CDC25B: variants seen among roughly 807,000 people sequenced by gnomAD.
CDC25B encodes the protein cell division cycle 25B.
Under a neutral mutation model 69.8 loss-of-function variants are expected in CDC25B, and 33 were observed. The ratio of observed to expected loss-of-function variants is 0.47; its 90% CI spans 0.36 to 0.63. CDC25B has a LOEUF of 0.63. CDC25B is among the 30% of genes least tolerant of loss of function. CDC25B has a pLI of 0.00. For synonymous variants in CDC25B, 341 were observed against 314.6 expected (o/e 1.08, Z -0.89); for missense variants, 727 against 809.1 (o/e 0.90, Z 1.23).
chr20:3,803,511 A>G lies in CDC25B; in HGVS notation c.1464A>G (p.Glu488=). Residue 488 remains glutamate (E), a synonymous_variant, in exon 14 of 16, where the codon GAA becomes GAG. Transcript: ENST00000245960. This position sits in a 1 kb window ranked among gnomAD's most constrained non-coding sequence, Gnocchi z 4.9. ...GAGTCATCCTCATTTTCCACTGTGA[A>G]TTCTCATCTGAGCGTGGGCCCCGCA... ...DKRVILIFHC[E]FSSERGPRMC... 2 of 1,613,828 alleles carry G rather than the reference A, an allele frequency of 1.2e-6. No homozygotes were observed. Among genetic ancestry groups the G allele is most frequent in the Non-Finnish European group, 1.7e-6 (2 of 1,179,972 alleles).
intron 2 of CDC25B, 124 bp downstream of exon 2, chr20:3,797,873 G>T (rs564038692): frequency 2.8e-5 from 33 of 1,191,424 alleles, no homozygotes; most frequent in South Asian, 1.5e-4. Flanking sequence ...GGGCCCAGGA[G>T]CCTCTCCCCC....
In CDC25B at chr20:3,803,332, G is replaced by T; in HGVS notation, c.1357-72G>T. 2 of 1,607,396 alleles carry T rather than the reference G, an allele frequency of 1.2e-6. No homozygotes were observed. On this transcript the variant is annotated intron_variant, in intron 13 of 15. Coordinates refer to ENST00000245960, the MANE Select transcript of CDC25B (RefSeq NM_021873.4). This position sits in a 1 kb window ranked among gnomAD's most constrained non-coding sequence, Gnocchi z 4.9. ...TGGGGAGGGTTCCTACTAAGAGAAG[G>T]ACAGCGACTGCACGGGGAGGGCCCT...
At chr20:3,791,256 C>T (rs1337493968) in intron 1 of CDC25B, among the ~76,000 whole-genome samples, 1 of 152,126 alleles carries the variant, frequency 6.6e-6, no homozygotes, top group African/African-American at 2.4e-5. Flanking sequence ...GGTCAGGGGC[C>T]AACTTTGGTC....
Position 3,803,071 on chromosome 20 carries a change from C to G in CDC25B, c.1258-37C>G. 6.2e-7 allele frequency: 1 copy of G among 1,600,866 alleles called. No homozygotes were observed. Among genetic ancestry groups the G allele is most frequent in the Non-Finnish European group, 8.6e-7 (1 of 1,168,056 alleles). ...CTAGGGCCACCTGCCAGCTGCCAGC[C>G]TGACCTGCCGGAACCAACCCCCATG... On this transcript the variant is annotated intron_variant, in intron 12 of 15. Transcript: ENST00000245960. The surrounding 1 kb of genome is among the most constrained non-coding windows in gnomAD (Gnocchi z 4.9).
chr20:3,799,525 T>TGTGTGC (rs1211874383), intron 3 of CDC25B, among the ~76,000 whole-genome samples: 779 of 68,710 alleles, frequency 0.011, 9 homozygotes, highest in South Asian at 0.11. Context: ...TGTGTGTGTG[T>TGTGTGC]GCGCGCGCGC....
intron 1 of CDC25B, among the ~76,000 whole-genome samples, chr20:3,788,762 T>C (rs1243393343): frequency 6.6e-6 from 1 of 151,948 alleles, no homozygotes; most frequent in Non-Finnish European, 1.5e-5. Context: ...CCTTCCTTCC[T>C]TCCCTTCTTT....
intron 1 of CDC25B, among the ~76,000 whole-genome samples, chr20:3,791,161 T>C (rs2088909549): frequency 6.6e-6 from 1 of 152,206 alleles, no homozygotes; most frequent in African/African-American, 2.4e-5. Context: ...TCACCTCCCC[T>C]ATTGAAGACA....
chr20:3,804,582 A>G lies in CDC25B; in HGVS notation c.1504A>G (p.Arg502Gly). The G allele has an allele frequency of 6.2e-7, 1 of 1,613,106 alleles. No homozygotes were observed. The highest frequency in any genetic ancestry group is 8.5e-7 in the Non-Finnish European group (1 of 1,179,112). ...ERGPRMCRFI[R>G]ERDRAVNDYP... ...ATGACGCCCCAGGTGCCGTTTCATCAGGGAACGAGACCGTGCTGTCAACGA... is the reference window on the plus strand; with the variant it reads ...ATGACGCCCCAGGTGCCGTTTCATCGGGGAACGAGACCGTGCTGTCAACGA... The change falls in exon 15 of 16, where the codon AGG becomes GGG. Residue 502 changes from arginine (R) to glycine (G), a missense_variant. Physicochemically the swap from Arg to Gly is moderately radical, Grantham distance 125 (BLOSUM62 -2). This residue lies in a region of CDC25B where 359 missense variants were observed against 463.4 expected (regional missense o/e 0.77). Transcript: ENST00000245960.
At chr20:3,801,519 G>T in intron 8 of CDC25B, 131 bp downstream of exon 8, 1 of 1,246,310 alleles carries the variant, frequency 8.0e-7, no homozygotes, top group Admixed American at 2.3e-5. Context: ...AGGTAACTGA[G>T]TCACAGCCTA....
rs1284653926 is a variant in CDC25B, at chr20:3,801,394, C to A, written c.840+6C>A. The stretch of plus-strand genomic sequence containing the variant: ...TCCTAGAGAGTGACTTAAAGGTAAA[C>A]AGCCTTGTCCCACCAGGCCCCTACC... On this transcript the variant is annotated splice_donor_region_variant and intron_variant, in intron 8 of 15. Transcript: ENST00000245960. 1.9e-6 allele frequency: 3 copies of A among 1,602,208 alleles called. No homozygotes were observed. Among genetic ancestry groups the A allele is most frequent in the Non-Finnish European group, 2.6e-6 (3 of 1,173,260 alleles).
Position 3,797,630 on chromosome 20 carries a change from CAA to C in CDC25B, c.211_212del (p.Lys71GlufsTer31). 5.6e-6 allele frequency: 9 copies of C among 1,614,104 alleles called. No homozygotes were observed. The highest frequency in any genetic ancestry group is 1.3e-5 in the African/African-American group (1 of 75,044). The stretch of plus-strand genomic sequence containing the variant: ...CCCTGTTCCCTTCCCAGCGAAACCC[CAA>C]AGAGTCAGGTAGGGACCCTGCTCTT... On this transcript the variant is annotated frameshift_variant, in exon 2 of 16. Coordinates refer to ENST00000245960, the MANE Select transcript of CDC25B (RefSeq NM_021873.4). LOFTEE classifies it high-confidence loss of function.
chr20:3,803,279 A>G lies in CDC25B; in HGVS notation c.1356+73A>G, dbSNP rs1218472747. On this transcript the variant is annotated intron_variant, in intron 13 of 15. Coordinates refer to ENST00000245960, the MANE Select transcript of CDC25B (RefSeq NM_021873.4). This position sits in a 1 kb window ranked among gnomAD's most constrained non-coding sequence, Gnocchi z 4.9. ...GGTCCTTGCTTTGCCAAGAGGGTGA[A>G]TGGGTGGAGGACGGGTGCCCCCTCT... 6.4e-6 allele frequency: 10 copies of G among 1,570,132 alleles called. No individual in the cohort carries two copies. The highest frequency in any genetic ancestry group is 4.5e-5 in the South Asian group (4 of 88,886).
At position 3,789,744 on chromosome 20, in the gene CDC25B, C is replaced by T. The variant is rs147751239; in HGVS notation, c.8+2605C>T. On this transcript the variant is annotated intron_variant, in intron 1 of 15. Coordinates refer to the CDC25B transcript ENST00000344256. ...GTGGCTCATGCCTGTAATCCCAGCA[C>T]TTTGGGAGGCCGAGGTGGGCAGATT... 1.8e-4 allele frequency among the ~76,000 whole-genome samples: 28 copies of T among 152,226 alleles called. No individual in the cohort carries two copies. The East Asian group carries it at 5.0e-3, about 27-fold the overall frequency.
upstream of CDC25B, among the ~76,000 whole-genome samples, chr20:3,793,229 G>T (rs1055516655): frequency 1.5e-4 from 23 of 152,168 alleles, no homozygotes; most frequent in Non-Finnish European, 7.4e-5. Context: ...AGGCCGAGGT[G>T]GGTGGATCAC....
intron 8 of CDC25B, 72 bp downstream of exon 8, chr20:3,801,460 C>A: frequency 6.7e-7 from 1 of 1,501,778 alleles, no homozygotes; most frequent in South Asian, 1.3e-5. Context: ...GAGCTCTGAG[C>A]CCTTGTGGCA....
At position 3,796,720 on chromosome 20, in the gene CDC25B, C is replaced by T. The variant is rs761111366; in HGVS notation, c.189C>T (p.Ala63=). Residue 63 remains alanine (A), a synonymous_variant, in exon 1 of 16, where the codon GCC becomes GCT. Transcript: ENST00000245960. ...TTLTQTMHDL[A]GLGSETPKSQ... ...TCACCCAGACCATGCACGACCTCGC[C>T]GGGCTCGGCAGGTAGGACACCCCAA... 1.9e-6 allele frequency: 3 copies of T among 1,569,386 alleles called. No individual in the cohort carries two copies. Among genetic ancestry groups the T allele is most frequent in the East Asian group, 4.8e-5 (2 of 41,332 alleles).
intron 11 of CDC25B, among the ~76,000 whole-genome samples, 158 bp downstream of exon 11, chr20:3,802,534 T>C (rs1007516938): frequency 6.6e-6 from 1 of 152,152 alleles, no homozygotes. Context: ...CATAGACTCC[T>C]CCCTCTGGCC....
chr20:3,796,113 AT>A, upstream of CDC25B: 1 of 1,017,254 alleles, frequency 9.8e-7, no homozygotes, highest in Non-Finnish European at 1.2e-6. Flanking sequence ...CGCCAGGGGG[AT>A]GTGCGAGGGT....
At chr20:3,796,279 A>C, upstream of CDC25B, 2 of 1,339,356 alleles carry the variant, frequency 1.5e-6, no homozygotes, top group Non-Finnish European at 1.9e-6. Flanking sequence ...TTTTTCGAAT[A>C]TATAAGGAGG....
Sources: gnomAD v4.1 joint callset for allele counts (sites outside exome capture counted in the v4.1 genomes callset) on GRCh38, gnomAD v4.1.1 for gene constraint, gnomAD v4.1.1 regional missense constraint, Gnocchi (gnomAD v3.1) non-coding constraint, MANE v1.5 for transcripts, NCBI Gene and HGNC (gene_info 2026-07-23, HGNC 2026-07-21) for gene names.